EIF2AK1: variants seen among roughly 807,000 people sequenced by gnomAD.
EIF2AK1 encodes eukaryotic translation initiation factor 2-alpha kinase 1.
A neutral mutation model predicts 77.9 loss-of-function variants in EIF2AK1; 54 were observed. The ratio of observed to expected loss-of-function variants is 0.69; its 90% CI spans 0.56 to 0.87. The LOEUF is 0.87. Among genes scored for constraint, EIF2AK1 ranks in the 40% least tolerant of loss-of-function variants. EIF2AK1 has a pLI of 0.00. For missense variants in EIF2AK1, 810 were observed against 768.6 expected, an observed-to-expected ratio of 1.05 and a Z score of -0.64; for synonymous variants, 314 against 290.5, an observed-to-expected ratio of 1.08 and a Z score of -0.82.
intron 13 of EIF2AK1, chr7:6,028,049 C>A (rs780875158): frequency 1.5e-5 from 6 of 388,406 alleles, no homozygotes; most frequent in South Asian, 1.1e-4. Flanking sequence ...GGCAACAGAG[C>A]AAGACCCTGT....
Position 6,022,315 on chromosome 7 carries a change from G to A in EIF2AK1, c.*2358C>T, listed in dbSNP as rs778227401. Reference sequence around the variant, plus strand: ...ATATAATATACAGACCATACAAAACGTGTTAATCAACTGTGATGGGTAAGG... The same window carrying A: ...ATATAATATACAGACCATACAAAACATGTTAATCAACTGTGATGGGTAAGG... On this transcript the variant is annotated 3_prime_UTR_variant, in exon 15 of 15. Transcript: ENST00000199389. The A allele has an allele frequency of 1.3e-5, 2 of 152,154 alleles. No individual in the cohort carries two copies. The highest frequency in any genetic ancestry group is 1.5e-5 in the Non-Finnish European group (1 of 68,038). 9.4% of individuals were successfully genotyped at this position (152,154 alleles called of 1,614,324 possible).
In EIF2AK1 at chr7:6,035,506, C is replaced by T. The variant is rs1053551485; in HGVS notation, c.1332+1918G>A. On this transcript the variant is annotated intron_variant, in intron 11 of 14. Coordinates refer to ENST00000199389, the MANE Select transcript of EIF2AK1 (RefSeq NM_014413.4). The surrounding 1 kb of genome is among the most constrained non-coding windows in gnomAD (Gnocchi z 5.5). ...CTGCACTGGCCAGTCACTTCCACCA[C>T]GTGGGCAAAACCAGGCAACAGAACG... is the stretch of plus-strand genomic sequence containing the variant. 10 of 1,551,022 alleles carry T rather than the reference C, an allele frequency of 6.4e-6. No homozygotes were observed. Among genetic ancestry groups the T allele is most frequent in the East Asian group, 2.4e-5 (1 of 40,936 alleles).
chr7:6,031,681 A>C, intron 11 of EIF2AK1: 2 of 1,315,952 alleles, frequency 1.5e-6, no homozygotes. Flanking sequence ...CACTAAGCTC[A>C]CGGCCCTTAT....
Position 6,033,057 on chromosome 7 carries a change from T to C in EIF2AK1, c.1333-4025A>G. On this transcript the variant is annotated intron_variant, in intron 11 of 14. Coordinates refer to ENST00000199389, the MANE Select transcript of EIF2AK1 (RefSeq NM_014413.4). The surrounding 1 kb of genome is among the most constrained non-coding windows in gnomAD (Gnocchi z 4.4). ...AATCTCGCCTCACTGCAACCTCTAC[T>C]TCCTGGGTTCAAGAGCTTCTCCCAC... is the stretch of plus-strand genomic sequence containing the variant. The C allele has an allele frequency of 1.3e-6, 1 of 787,766 alleles. No individual in the cohort carries two copies. Among genetic ancestry groups the C allele is most frequent in the Non-Finnish European group, 2.0e-6 (1 of 512,216 alleles). The allele number at this position is 787,766 out of a possible 1,614,324, so 48.8% of individuals were successfully genotyped here.
intron 8 of EIF2AK1, among the ~76,000 whole-genome samples, chr7:6,042,032 C>T (rs1381885420): frequency 6.6e-6 from 1 of 152,018 alleles, no homozygotes; most frequent in African/African-American, 2.4e-5. Context: ...GCTTGTAGTC[C>T]CAGCTACTCA....
intron 6 of EIF2AK1, 40 bp from the exon 7 acceptor site, chr7:6,044,701 A>G: frequency 1.3e-6 from 2 of 1,568,556 alleles, no homozygotes; most frequent in Non-Finnish European, 1.8e-6. Context: ...TTTGCTGATA[A>G]CTTGTTAAAT....
chr7:6,034,055 C>T lies in EIF2AK1; in HGVS notation c.1332+3369G>A, dbSNP rs1354791051. Among the ~76,000 whole-genome samples, 3 of 151,844 alleles carry T rather than the reference C, an allele frequency of 2.0e-5. No individual in the cohort carries two copies. The South Asian group carries it at 6.3e-4, about 32-fold the overall frequency. On this transcript the variant is annotated intron_variant, in intron 11 of 14. Coordinates refer to ENST00000199389, the MANE Select transcript of EIF2AK1 (RefSeq NM_014413.4). Reference sequence around the variant, plus strand: ...AGTATAGGCCGGGCGCGGTGGCTCACGCCTGTAATCCCAGCACCATGGGAG... The same window carrying T: ...AGTATAGGCCGGGCGCGGTGGCTCATGCCTGTAATCCCAGCACCATGGGAG...
Position 6,022,426 on chromosome 7 carries a change from G to T in EIF2AK1, c.*2247C>A, listed in dbSNP as rs912995255. 2.6e-5 allele frequency: 4 copies of T among 152,058 alleles called. No homozygotes were observed. The highest frequency in any genetic ancestry group is 9.7e-5 in the African/African-American group (4 of 41,388). The allele number at this position is 152,058 out of a possible 1,614,324, so 9.4% of individuals were successfully genotyped here. On this transcript the variant is annotated 3_prime_UTR_variant, in exon 15 of 15. Coordinates refer to ENST00000199389, the MANE Select transcript of EIF2AK1 (RefSeq NM_014413.4). ...GATTTTCGACTGCACAGCAGTCGGG[G>T]GTCAGTGTCCCTAACCCCCCCACTG...
intron 6 of EIF2AK1, 36 bp downstream of exon 6, chr7:6,046,035 C>T: frequency 7.4e-7 from 1 of 1,347,722 alleles, no homozygotes; most frequent in South Asian, 1.3e-5. Context: ...ACTAAATACA[C>T]AATTATTCAA....
chr7:6,040,742 G>A (rs376199708), intron 9 of EIF2AK1, 150 bp downstream of exon 9: 14 of 690,740 alleles, frequency 2.0e-5, no homozygotes, highest in Admixed American at 3.0e-5. Flanking sequence ...AGAACCAAAC[G>A]CAAAGGCCCC....
chr7:6,025,810 C>T (rs1394717827), intron 14 of EIF2AK1, among the ~76,000 whole-genome samples: 2 of 151,546 alleles, frequency 1.3e-5, no homozygotes, highest in African/African-American at 4.9e-5. Context: ...AATTTTTGTA[C>T]TTTTAGTAGA....
intron 1 of EIF2AK1, among the ~76,000 whole-genome samples, chr7:6,056,109 ACGGTGAAACACCGT>A (rs1788751140): frequency 6.6e-6 from 1 of 151,374 alleles, no homozygotes; most frequent in African/African-American, 2.4e-5. Context: ...CCTGGCCAAC[ACGGTGAAACACCGT>A]CTCTACTAAA....
chr7:6,038,343 G>A (rs1418249735), intron 10 of EIF2AK1, among the ~76,000 whole-genome samples: 2 of 152,310 alleles, frequency 1.3e-5, no homozygotes, highest in Non-Finnish European at 2.9e-5. Flanking sequence ...GCTGAGGTGG[G>A]AGGATCGCTT....
At chr7:6,041,242 A>T (rs889566365) in intron 8 of EIF2AK1, 23 bp from the exon 9 acceptor site, 21 of 1,580,084 alleles carry the variant, frequency 1.3e-5, no homozygotes, top group Non-Finnish European at 1.8e-5. Flanking sequence ...AAAATAGTAA[A>T]CATAAAAGTC....
Position 6,024,411 on chromosome 7 carries a change from G to C in EIF2AK1, c.*262C>G. ...AGGAAGACCAGACAGAGGGTCAACA[G>C]AGTTGAAAGGAGAAAATAATTGAGG... On this transcript the variant is annotated 3_prime_UTR_variant, in exon 15 of 15. Transcript: ENST00000199389. The C allele has an allele frequency of 7.5e-7, 1 of 1,330,060 alleles. No individual in the cohort carries two copies. Among genetic ancestry groups the C allele is most frequent in the Non-Finnish European group, 9.6e-7 (1 of 1,037,896 alleles). 82.4% of individuals were successfully genotyped at this position (1,330,060 alleles called of 1,614,324 possible). A position where few individuals can be genotyped will look rare whatever the true frequency, so the allele number is the denominator to read the frequency against.
At chr7:6,040,476 C>T (rs965041596) in intron 9 of EIF2AK1, among the ~76,000 whole-genome samples, 6 of 152,166 alleles carry the variant, frequency 3.9e-5, no homozygotes, top group African/African-American at 1.4e-4. Context: ...CTACAACTAA[C>T]ATAAAACCAA....
chr7:6,035,366 C>T lies in EIF2AK1; in HGVS notation c.1332+2058G>A. 3 of 1,301,796 alleles carry T rather than the reference C, an allele frequency of 2.3e-6. No individual in the cohort carries two copies. Among genetic ancestry groups the T allele is most frequent in the Non-Finnish European group, 3.2e-6 (3 of 949,718 alleles). 80.6% of individuals were successfully genotyped at this position (1,301,796 alleles called of 1,614,324 possible). A position where few individuals can be genotyped will look rare whatever the true frequency, so the allele number is the denominator to read the frequency against. ...GGGTCTTACTTTAAATAAATACTGG[C>T]TTCTTAAGCATTAACTGTCCACGTA... On this transcript the variant is annotated intron_variant, in intron 11 of 14. Transcript: ENST00000199389. The surrounding 1 kb of genome is among the most constrained non-coding windows in gnomAD (Gnocchi z 5.5).
At chr7:6,049,277 GC>G (rs1788535123) in intron 3 of EIF2AK1, among the ~76,000 whole-genome samples, 1 of 152,220 alleles carries the variant, frequency 6.6e-6, no homozygotes, top group South Asian at 2.1e-4. Flanking sequence ...GGGCGCGGTG[GC>G]TCACGCCTGT....
chr7:6,044,519 G>C, intron 7 of EIF2AK1, 43 bp downstream of exon 7: 2 of 1,550,602 alleles, frequency 1.3e-6, no homozygotes, highest in Admixed American at 1.8e-5. Flanking sequence ...ACGGGCTAAA[G>C]TTTGCCAACG....
Sources: allele counts gnomAD v4.1 joint callset (sites outside exome capture counted in the v4.1 genomes callset), GRCh38; gene constraint gnomAD v4.1.1; non-coding constraint Gnocchi (gnomAD v3.1); transcripts MANE v1.5; gene names NCBI Gene and HGNC (gene_info 2026-07-23, HGNC 2026-07-21).